SNX24: variants seen among roughly 807,000 people sequenced by gnomAD.
The protein encoded by SNX24 is sorting nexin 24, also known as sorting nexin-24.
Under a neutral mutation model 28.7 loss-of-function variants are expected in SNX24, and 22 were observed. The ratio of observed to expected loss-of-function variants is 0.77; its 90% CI spans 0.55 to 1.10. The LOEUF (loss-of-function observed/expected upper bound fraction) is 1.10. Among genes scored for constraint, SNX24 ranks in the 50% least tolerant of loss-of-function variants. The pLI is 0.00. For missense variants in SNX24, 221 were observed against 201.1 expected (o/e 1.10, Z -0.60); for synonymous variants, 69 against 71.5 (o/e 0.96, Z 0.18).
At chr5:122,975,367 G>GTT (rs540091561) in intron 3 of SNX24, among the ~76,000 whole-genome samples, 28 of 147,956 alleles carry the variant, frequency 1.9e-4, no homozygotes, top group East Asian at 2.0e-4. Flanking sequence ...TAAATTTATG[G>GTT]TTTTTTTTTT....
intron 1 of SNX24, among the ~76,000 whole-genome samples, chr5:122,847,911 A>G (rs905183290): frequency 3.3e-5 from 5 of 152,136 alleles, no homozygotes; most frequent in Non-Finnish European, 5.9e-5. Flanking sequence ...CATTCAACAA[A>G]TATTTACTGA....
chr5:122,961,154 G>T (rs1410706614), intron 3 of SNX24, among the ~76,000 whole-genome samples: 1 of 152,122 alleles, frequency 6.6e-6, no homozygotes, highest in African/African-American at 2.4e-5. Flanking sequence ...ATCTGACAAG[G>T]TTAAGGCACT....
chr5:122,900,332 G>T (rs990641593), intron 1 of SNX24, among the ~76,000 whole-genome samples: 10 of 152,190 alleles, frequency 6.6e-5, no homozygotes, highest in African/African-American at 2.4e-4. Context: ...GAGAGTGTGT[G>T]TAGCAGCAAT....
rs70988553 is a variant in SNX24, at chr5:123,014,333, A to ATTTTTTTTTTTTTTTTT, written n.383+12342_383+12358dup. ...AGGCACACGCCACTGTGCCCAGCTG[A>ATTTTTTTTTTTTTTTTT]TTTTTTTTTTTTTTTTTTTTTTTTT... On this transcript the variant is annotated intron_variant and non_coding_transcript_variant, in intron 5 of 5. Coordinates refer to the SNX24 transcript ENST00000502387. 2.6e-5 allele frequency among the ~76,000 whole-genome samples: 2 copies of ATTTTTTTTTTTTTTTTT among 77,270 alleles called. 1 individual carries two copies. Among genetic ancestry groups the ATTTTTTTTTTTTTTTTT allele is most frequent in the African/African-American group, 1.1e-4 (2 of 17,766 alleles). The allele number at this position is 77,270 out of a possible 152,430, so 50.7% of individuals were successfully genotyped here. A position where few individuals can be genotyped will look rare whatever the true frequency, so the allele number is the denominator to read the frequency against.
chr5:122,890,208 A>G (rs539193944), intron 1 of SNX24, among the ~76,000 whole-genome samples: 5 of 152,160 alleles, frequency 3.3e-5, no homozygotes, highest in African/African-American at 1.2e-4. Context: ...CCCGACTAAT[A>G]ATGCTAATTT....
intron 3 of SNX24, among the ~76,000 whole-genome samples, chr5:122,965,209 G>T (rs1202803949): frequency 6.6e-6 from 1 of 152,152 alleles, no homozygotes; most frequent in African/African-American, 2.4e-5. Context: ...CTGAAGTCAG[G>T]TAGTAATTTT....
chr5:122,927,925 C>T (rs1162571140), intron 1 of SNX24, among the ~76,000 whole-genome samples: 4 of 152,158 alleles, frequency 2.6e-5, no homozygotes, highest in Non-Finnish European at 4.4e-5. Context: ...TGCAGATGTC[C>T]GCAGCCAGTT....
intron 5 of SNX24, among the ~76,000 whole-genome samples, chr5:123,021,107 C>CCG (rs1554081397): frequency 6.6e-6 from 1 of 150,388 alleles, no homozygotes; most frequent in Non-Finnish European, 1.5e-5. Context: ...ACACAGTTCC[C>CCG]CCCCCGTCCC....
chr5:122,884,279 A>G (rs1243178734), intron 1 of SNX24, among the ~76,000 whole-genome samples: 4 of 127,160 alleles, frequency 3.1e-5, no homozygotes, highest in Non-Finnish European at 6.3e-5. Flanking sequence ...TTTCAGACAG[A>G]GTCTCGCTGT....
intron 1 of SNX24, among the ~76,000 whole-genome samples, chr5:122,871,466 A>G (rs1379722172): frequency 1.3e-5 from 2 of 152,142 alleles, no homozygotes; most frequent in Non-Finnish European, 2.9e-5. Flanking sequence ...TAAACAAATG[A>G]ACTTAAGAAA....
intron 1 of SNX24, among the ~76,000 whole-genome samples, chr5:122,910,751 G>A (rs1316386854): frequency 6.6e-6 from 1 of 151,394 alleles, no homozygotes; most frequent in African/African-American, 2.4e-5. Context: ...AGTTTACTGA[G>A]AATGATGATT....
chr5:122,864,470 A>G (rs372337691), intron 1 of SNX24, among the ~76,000 whole-genome samples: 6 of 152,360 alleles, frequency 3.9e-5, no homozygotes, highest in African/African-American at 1.4e-4. Context: ...AGTAATTCAC[A>G]AGAGCCTGCT....
At chr5:122,884,401 C>A (rs1273638998) in intron 1 of SNX24, among the ~76,000 whole-genome samples, 2 of 151,640 alleles carry the variant, frequency 1.3e-5, no homozygotes, top group African/African-American at 4.8e-5. Context: ...AATGCGCCAC[C>A]ACCTCTGGCT....
At chr5:122,904,529 A>G (rs1214764639) in intron 1 of SNX24, among the ~76,000 whole-genome samples, 1 of 152,142 alleles carries the variant, frequency 6.6e-6, no homozygotes, top group East Asian at 1.9e-4. Context: ...TCTTTAAAAA[A>G]AATTATTTTT....
At chr5:122,883,839 G>C (rs1756581540) in intron 1 of SNX24, among the ~76,000 whole-genome samples, 1 of 151,956 alleles carries the variant, frequency 6.6e-6, no homozygotes. Context: ...AATTTTTGGT[G>C]GAGATGGGTT....
intron 1 of SNX24, among the ~76,000 whole-genome samples, chr5:122,899,511 C>G (rs1757339175): frequency 6.6e-6 from 1 of 152,166 alleles, no homozygotes; most frequent in African/African-American, 2.4e-5. Flanking sequence ...CAGGCTCCAT[C>G]TGTCCTCCCA....
chr5:122,851,338 G>A (rs372955696), intron 1 of SNX24, among the ~76,000 whole-genome samples: 1 of 151,938 alleles, frequency 6.6e-6, no homozygotes, highest in African/African-American at 2.4e-5. Flanking sequence ...CTAATTTTTT[G>A]TATTTTTAGT....
chr5:122,961,050 G>T (rs2910150), intron 3 of SNX24, among the ~76,000 whole-genome samples: 117,113 of 152,188 alleles, frequency 0.77, 45,931 homozygotes, highest in East Asian at 0.99. Context: ...CCATTTTTGT[G>T]GTCTTAAGTC....
At chr5:122,940,021 G>A (rs898371843) in intron 2 of SNX24, among the ~76,000 whole-genome samples, 4 of 148,410 alleles carry the variant, frequency 2.7e-5, no homozygotes, top group Admixed American at 6.7e-5. Flanking sequence ...ACAGAGTCTC[G>A]CTCTTTTGCC....
Sources: allele counts gnomAD v4.1 joint callset (sites outside exome capture counted in the v4.1 genomes callset), GRCh38; gene constraint gnomAD v4.1.1; transcripts MANE v1.5; gene names NCBI Gene and HGNC (gene_info 2026-07-23, HGNC 2026-07-21).